Variants in TMEM50B observed in about 807,000 individuals in gnomAD.
TMEM50B encodes the protein transmembrane protein 50B.
A neutral mutation model predicts 23.4 loss-of-function variants in TMEM50B; 14 were observed. That is an observed-to-expected ratio of 0.60 (90% CI 0.39 to 0.93). The LOEUF (loss-of-function observed/expected upper bound fraction) is 0.93, where lower values mean the gene tolerates loss of function less well. Among genes scored for constraint, TMEM50B ranks in the 40% least tolerant of loss-of-function variants. The pLI is 0.00. For missense variants in TMEM50B, 159 were observed against 193.0 expected (o/e 0.82, Z 1.04); for synonymous variants, 64 against 62.3 (o/e 1.03, Z -0.13).
chr21:33,445,910 A>C (rs1362880063), downstream of TMEM50B, among the ~76,000 whole-genome samples: 1 of 152,250 alleles, frequency 6.6e-6, no homozygotes, highest in Non-Finnish European at 1.5e-5. Context: ...TCTTGCAGTC[A>C]AATAGCTAAT....
intron 6 of TMEM50B, among the ~76,000 whole-genome samples, chr21:33,454,364 T>C (rs2084149860): frequency 6.6e-6 from 1 of 152,110 alleles, no homozygotes; most frequent in Non-Finnish European, 1.5e-5. Context: ...AGTGGCACTA[T>C]CTCGACTCAC....
chr21:33,473,457 G>GAAAAAAAAAAAAAAAAAAAAACAAAAA (rs2084337041), intron 1 of TMEM50B, among the ~76,000 whole-genome samples: 1 of 84,858 alleles, frequency 1.2e-5, no homozygotes, highest in African/African-American at 5.3e-5. Flanking sequence ...TGTCTCGGAA[G>GAAAAAAAAAAAAAAAAAAAAACAAAAA]AAAAAAAAAA....
At chr21:33,447,410 C>T (rs2084072168), downstream of TMEM50B, among the ~76,000 whole-genome samples, 1 of 151,798 alleles carries the variant, frequency 6.6e-6, no homozygotes, top group African/African-American at 2.4e-5. Context: ...CACACCACGG[C>T]GTTCCAGCCT....
At chr21:33,447,427 G>A (rs930086987), downstream of TMEM50B, among the ~76,000 whole-genome samples, 1 of 152,034 alleles carries the variant, frequency 6.6e-6, no homozygotes, top group Non-Finnish European at 1.5e-5. Flanking sequence ...GCCTGGGCAA[G>A]AGTAAGACAC....
At chr21:33,442,541 T>C (rs1447178800) in intron 7 of TMEM50B, among the ~76,000 whole-genome samples, 2 of 152,122 alleles carry the variant, frequency 1.3e-5, no homozygotes, top group African/African-American at 4.8e-5. Context: ...CTAGCTTCTC[T>C]GGGCCCCTCA....
intron 2 of TMEM50B, 104 bp from the exon 3 acceptor site, chr21:33,467,226 A>G (rs743334): frequency 0.49 from 494,694 of 1,005,158 alleles, 127,685 homozygotes; most frequent in Non-Finnish European, 0.55. Flanking sequence ...TGGGCTGGGT[A>G]CAGAGGCTCA....
At chr21:33,472,319 G>A (rs1441125841) in intron 1 of TMEM50B, among the ~76,000 whole-genome samples, 1 of 148,724 alleles carries the variant, frequency 6.7e-6, no homozygotes, top group Admixed American at 6.7e-5. Context: ...GGAGGCGGAG[G>A]TTGCAGTGAG....
chr21:33,477,607 C>CGG (rs34758579), intron 1 of TMEM50B, among the ~76,000 whole-genome samples: 9 of 149,656 alleles, frequency 6.0e-5, no homozygotes, highest in African/African-American at 2.0e-4. Context: ...GAGGCCGAGG[C>CGG]GGGGGGGGGT....
chr21:33,449,751 G>A lies in TMEM50B; in HGVS notation c.*1067C>T, dbSNP rs921962308. The A allele has an allele frequency of 8.5e-5, 13 of 152,738 alleles. No individual in the cohort carries two copies. The highest frequency in any genetic ancestry group is 2.9e-4 in the African/African-American group (12 of 41,576). 9.5% of individuals were successfully genotyped at this position (152,738 alleles called of 1,614,324 possible). On this transcript the variant is annotated 3_prime_UTR_variant, in exon 7 of 7. Coordinates refer to ENST00000542230, the MANE Select transcript of TMEM50B (RefSeq NM_006134.7). The stretch of plus-strand genomic sequence containing the variant: ...TTCCACTTTTTGTTAAATGGTTCAT[G>A]CTTTTAAACTGCGATTGTCTCAAAC...
chr21:33,437,001 G>T (rs574166519), intron 8 of TMEM50B: 2 of 1,611,412 alleles, frequency 1.2e-6, no homozygotes, highest in Non-Finnish European at 1.7e-6. Context: ...CCCTGGAAGA[G>T]ATCAAGCCAT....
rs933681029 is a variant in TMEM50B, at chr21:33,432,585, G to T, written c.*2338C>A. On this transcript the variant is annotated 3_prime_UTR_variant and NMD_transcript_variant, in exon 9 of 9. Transcript: ENST00000420455. ...TAATGTAAGCATACCAGGTGAGGGT[G>T]GGGGGTAGAGGGACTTGCCCATTTT... The T allele has an allele frequency of 8.8e-6, 9 of 1,024,016 alleles. No homozygotes were observed. In the East Asian group the frequency reaches 9.5e-5, roughly 11 times the overall value. The allele number at this position is 1,024,016 out of a possible 1,614,324, so 63.4% of individuals were successfully genotyped here. A position where few individuals can be genotyped will look rare whatever the true frequency, so the allele number is the denominator to read the frequency against.
downstream of TMEM50B, among the ~76,000 whole-genome samples, chr21:33,445,913 T>C (rs1385828934): frequency 6.6e-6 from 1 of 152,222 alleles, no homozygotes; most frequent in Non-Finnish European, 1.5e-5. Context: ...TGCAGTCAAA[T>C]AGCTAATAAA....
In TMEM50B at chr21:33,438,364, C is replaced by T. The variant is rs147148488; in HGVS notation, c.*2120+850G>A. Among the ~76,000 whole-genome samples, 289 of 152,312 alleles carry T rather than the reference C, an allele frequency of 1.9e-3. 1 individual carries two copies. Among genetic ancestry groups the T allele is most frequent in the African/African-American group, 6.8e-3 (284 of 41,558 alleles). The stretch of plus-strand genomic sequence containing the variant: ...CTTCATTTATATGTGACAAGTCACA[C>T]TGTGTTGACCAAGGCAGGGATTTGT... On this transcript the variant is annotated intron_variant and NMD_transcript_variant, in intron 8 of 8. Transcript: ENST00000420455.
intron 7 of TMEM50B, among the ~76,000 whole-genome samples, chr21:33,443,898 TTTTG>T (rs1290128380): frequency 3.6e-4 from 49 of 136,108 alleles, no homozygotes; most frequent in East Asian, 5.8e-4. Flanking sequence ...TGTGGTTTTT[TTTTG>T]TTTGTTTGTT....
At chr21:33,433,496 A>G (rs373705484) in intron 8 of TMEM50B, among the ~76,000 whole-genome samples, 34 of 150,616 alleles carry the variant, frequency 2.3e-4, no homozygotes, top group East Asian at 9.6e-4. Flanking sequence ...CATTATGCTG[A>G]GTAGAGTAGG....
At chr21:33,441,004 C>T (rs1035663261) in intron 7 of TMEM50B, among the ~76,000 whole-genome samples, 3 of 151,910 alleles carry the variant, frequency 2.0e-5, no homozygotes, top group Admixed American at 6.6e-5. Flanking sequence ...CTCAGGTGAG[C>T]GGATCGCCTG....
chr21:33,478,002 G>A (rs1416870655), intron 1 of TMEM50B, among the ~76,000 whole-genome samples: 7 of 151,772 alleles, frequency 4.6e-5, no homozygotes, highest in African/African-American at 1.7e-4. Flanking sequence ...GGGCGTGGTG[G>A]TGGGCGCCTG....
intron 8 of TMEM50B, among the ~76,000 whole-genome samples, chr21:33,436,151 A>G (rs1043846565): frequency 1.1e-4 from 15 of 134,434 alleles, no homozygotes; most frequent in African/African-American, 4.0e-4. Context: ...TGAGGTCAGG[A>G]GTTCGAGACA....
intron 7 of TMEM50B, among the ~76,000 whole-genome samples, chr21:33,443,723 G>A (rs578195457): frequency 6.6e-6 from 1 of 152,230 alleles, no homozygotes; most frequent in East Asian, 1.9e-4. Flanking sequence ...TCTGACTTTG[G>A]CATCGTATCG....
Sources: gnomAD v4.1 joint callset for allele counts (sites outside exome capture counted in the v4.1 genomes callset) on GRCh38, gnomAD v4.1.1 for gene constraint, MANE v1.5 for transcripts, NCBI Gene and HGNC (gene_info 2026-07-23, HGNC 2026-07-21) for gene names.